The following EEA1 variants were observed in gnomAD, a reference collection of about 807,000 sequenced individuals.
EEA1 encodes early endosome antigen 1.
EEA1 carries 111 observed loss-of-function variants against 209.2 expected under a neutral mutation model. That is an observed-to-expected ratio of 0.53 (90% CI 0.45 to 0.62). EEA1 has a LOEUF of 0.62. Among genes scored for constraint, EEA1 ranks in the 20% least tolerant of loss-of-function variants. The pLI is 0.00. For missense variants in EEA1, 1,343 were observed against 1,530.8 expected, an observed-to-expected ratio of 0.88 and a Z score of 2.05; for synonymous variants, 536 against 540.6, an observed-to-expected ratio of 0.99 and a Z score of 0.12.
At chr12:92,806,572 T>G (rs1238167815) in intron 18 of EEA1, among the ~76,000 whole-genome samples, 1 of 152,128 alleles carries the variant, frequency 6.6e-6, no homozygotes, top group African/African-American at 2.4e-5. Context: ...ACAAATAATA[T>G]CCATCTCATA....
In EEA1 at chr12:92,772,008, G is replaced by GA. The variant is rs1315559728; in HGVS notation, c.*4002_*4003insT. Reference sequence around the variant, plus strand: ...TGAGGATATGCACATTAAACTCTTTGGAGGGTTTAGAATGAAGCACATTCG... The same window carrying GA: ...TGAGGATATGCACATTAAACTCTTTGAGAGGGTTTAGAATGAAGCACATTCG... On this transcript the variant is annotated 3_prime_UTR_variant, in exon 29 of 29. Coordinates refer to ENST00000322349, the MANE Select transcript of EEA1 (RefSeq NM_003566.4). 6.6e-6 allele frequency: 1 copy of GA among 151,838 alleles called. No homozygotes were observed. Among genetic ancestry groups the GA allele is most frequent in the East Asian group, 1.9e-4 (1 of 5,196 alleles). The allele number at this position is 151,838 out of a possible 1,614,324, so 9.4% of individuals were successfully genotyped here.
intron 14 of EEA1, among the ~76,000 whole-genome samples, chr12:92,817,933 C>CAA (rs1324959899): frequency 6.6e-6 from 1 of 152,110 alleles, no homozygotes; most frequent in African/African-American, 2.4e-5. Context: ...TCCAAGTGTT[C>CAA]AACCACATCT....
intron 1 of EEA1, among the ~76,000 whole-genome samples, chr12:92,910,132 G>A (rs1880523226): frequency 6.7e-6 from 1 of 149,810 alleles, no homozygotes; most frequent in African/African-American, 2.5e-5. Flanking sequence ...AACAGAGCAA[G>A]ATTCCATCTC....
At chr12:92,891,350 GTAA>G (rs1879647675) in intron 2 of EEA1, among the ~76,000 whole-genome samples, 1 of 152,022 alleles carries the variant, frequency 6.6e-6, no homozygotes, top group Admixed American at 6.6e-5. Flanking sequence ...TAATTAACCT[GTAA>G]TTCTTTATAA....
rs74705525 is a variant in EEA1, at chr12:92,901,263, G to A, written c.25-9542C>T. 2.0e-4 allele frequency among the ~76,000 whole-genome samples: 31 copies of A among 151,764 alleles called. No homozygotes were observed. The East Asian group carries it at 5.7e-3, about 28-fold the overall frequency. On this transcript the variant is annotated intron_variant, in intron 1 of 28. Transcript: ENST00000322349. ...GATGAGGTCTCTGTATGTTGCCTAG[G>A]CTCATCTCAAACCTATGGGCTCCAG...
chr12:92,879,431 C>T, intron 2 of EEA1: 1 of 399,794 alleles, frequency 2.5e-6, no homozygotes, highest in South Asian at 1.8e-5. Flanking sequence ...AGTAGATCAA[C>T]ATTCAAAAAT....
intron 2 of EEA1, among the ~76,000 whole-genome samples, chr12:92,886,745 TC>T (rs1193976292): frequency 1.3e-5 from 2 of 152,000 alleles, no homozygotes; most frequent in African/African-American, 4.8e-5. Context: ...ACGCCTGTAA[TC>T]CCAACACTTT....
At chr12:92,880,374 G>A (rs960885898) in intron 2 of EEA1, among the ~76,000 whole-genome samples, 1 of 151,952 alleles carries the variant, frequency 6.6e-6, no homozygotes, top group South Asian at 2.1e-4. Flanking sequence ...GTGCAATCTC[G>A]GCTCACCGCA....
chr12:92,877,927 C>G (rs1317227656), intron 2 of EEA1, among the ~76,000 whole-genome samples: 1 of 152,104 alleles, frequency 6.6e-6, no homozygotes, highest in African/African-American at 2.4e-5. Flanking sequence ...TCTTTTCTTG[C>G]TGGGAAGCAT....
At chr12:92,825,907 A>G (rs918265427) in intron 13 of EEA1, among the ~76,000 whole-genome samples, 1 of 149,716 alleles carries the variant, frequency 6.7e-6, no homozygotes, top group Non-Finnish European at 1.5e-5. Flanking sequence ...TAATAAATAC[A>G]TAATAAATTA....
At chr12:92,857,738 C>G (rs1040206221) in intron 3 of EEA1, among the ~76,000 whole-genome samples, 3 of 152,136 alleles carry the variant, frequency 2.0e-5, no homozygotes, top group East Asian at 1.9e-4. Context: ...CTGTTAAGTG[C>G]CCAAGCCAAG....
chr12:92,862,669 A>G (rs1878205055), intron 3 of EEA1, among the ~76,000 whole-genome samples: 1 of 152,196 alleles, frequency 6.6e-6, no homozygotes, highest in African/African-American at 2.4e-5. Flanking sequence ...AGAGCCAACT[A>G]TAAATATGAA....
chr12:92,783,314 G>T (rs1873988222), intron 22 of EEA1, among the ~76,000 whole-genome samples: 1 of 152,202 alleles, frequency 6.6e-6, no homozygotes, highest in Non-Finnish European at 1.5e-5. Flanking sequence ...CTTGGTGTGT[G>T]TGGGAAAATC....
Position 92,832,670 on chromosome 12 carries a change from C to T in EEA1, c.1096G>A (p.Glu366Lys), listed in dbSNP as rs775851050. 6.2e-7 allele frequency: 1 copy of T among 1,613,892 alleles called. No homozygotes were observed. Among genetic ancestry groups the T allele is most frequent in the Non-Finnish European group, 8.5e-7 (1 of 1,179,970 alleles). Residue 366 changes from glutamate (E) to lysine (K), a missense_variant, in exon 11 of 29, where the codon GAA (glutamate) becomes AAA (lysine). Glu to Lys is a moderately conservative substitution (Grantham distance 56). This residue lies in a region of EEA1 where 1,307 missense variants were observed against 1,465.5 expected (regional missense o/e 0.89). Transcript: ENST00000322349. ...GTAGCTTCTCCTTTTTCACTTAGTT[C>T]TACATGTATTCTATGCAGTGAGGTT... ...SETSLHRIHVELSEKGEATQK... is the reference protein window; with the variant it reads ...SETSLHRIHVKLSEKGEATQK...
chr12:92,823,776 T>C (rs527321312), intron 13 of EEA1, among the ~76,000 whole-genome samples: 4 of 152,336 alleles, frequency 2.6e-5, no homozygotes, highest in Non-Finnish European at 5.9e-5. Flanking sequence ...GTCCCTGCTG[T>C]TCCCTCAGTT....
chr12:92,859,168 G>C (rs1465363672), intron 3 of EEA1: 16 of 1,601,164 alleles, frequency 1.0e-5, no homozygotes, highest in Admixed American at 1.7e-5. Context: ...TAGGGTCATT[G>C]TCAGGGATCT....
intron 22 of EEA1, among the ~76,000 whole-genome samples, chr12:92,786,330 C>T (rs1448308699): frequency 6.6e-6 from 1 of 151,980 alleles, no homozygotes; most frequent in Non-Finnish European, 1.5e-5. Context: ...CACAAAGCTT[C>T]CTTGACTTTC....
intron 14 of EEA1, among the ~76,000 whole-genome samples, chr12:92,818,989 G>A (rs1875922324): frequency 6.6e-6 from 1 of 152,016 alleles, no homozygotes; most frequent in Non-Finnish European, 1.5e-5. Flanking sequence ...ATCACAAAAT[G>A]CCATTAGGCA....
intron 11 of EEA1, among the ~76,000 whole-genome samples, chr12:92,828,411 A>G (rs12299077): frequency 1.3e-3 from 203 of 152,074 alleles, no homozygotes; most frequent in African/African-American, 4.8e-3. Context: ...CTTAGTACAC[A>G]CTCAGATCTA....
Sources: allele counts gnomAD v4.1 joint callset (sites outside exome capture counted in the v4.1 genomes callset), GRCh38; gene constraint gnomAD v4.1.1; regional missense constraint gnomAD v4.1.1; transcripts MANE v1.5; gene names NCBI Gene and HGNC (gene_info 2026-07-23, HGNC 2026-07-21).